Variants in AKT3 observed in about 807,000 individuals in gnomAD.
The protein encoded by AKT3 is RAC-gamma serine/threonine-protein kinase.
In AKT3, 15 loss-of-function variants were observed where a neutral mutation model predicts 65.3. That is an observed-to-expected ratio of 0.23 (90% confidence interval 0.15 to 0.35). AKT3 has a LOEUF of 0.35. AKT3 is among the 10% of genes least tolerant of loss of function. The probability of loss-of-function intolerance (pLI) is 1.00; values close to 1 mark genes in which losing one functional copy is unlikely to be tolerated. For missense variants in AKT3, 243 were observed against 576.5 expected (o/e 0.42, Z 5.92); for synonymous variants, 206 against 183.8 (o/e 1.12, Z -0.98).
At chr1:243,779,161 C>A (rs6682456) in intron 2 of AKT3, among the ~76,000 whole-genome samples, 119,148 of 152,056 alleles carry the variant, frequency 0.78, 47,549 homozygotes, top group Non-Finnish European at 0.86. Context: ...ACTGTTGATA[C>A]TATTCAAATC....
chr1:243,494,539 CAG>C (rs1667329497), intron 13 of AKT3, among the ~76,000 whole-genome samples: 1 of 152,202 alleles, frequency 6.6e-6, no homozygotes, highest in Admixed American at 6.5e-5. Flanking sequence ...CCTCCAACAG[CAG>C]ACAGTTAAAC....
intron 13 of AKT3, among the ~76,000 whole-genome samples, chr1:243,493,773 G>A (rs994044013): frequency 5.3e-5 from 8 of 151,758 alleles, no homozygotes; most frequent in Non-Finnish European, 1.5e-5. Context: ...CAAGATCATC[G>A]ACATTATCTC....
At chr1:243,628,797 T>C (rs1679377250) in intron 6 of AKT3, among the ~76,000 whole-genome samples, 1 of 152,242 alleles carries the variant, frequency 6.6e-6, no homozygotes, top group Non-Finnish European at 1.5e-5. Context: ...ACACTATAAC[T>C]GACTGATGTG....
In AKT3 at chr1:243,615,146, T is replaced by C; in HGVS notation, c.577A>G (p.Thr193Ala). Residue 193 changes from threonine to alanine, a missense_variant, in exon 7 of 14, where the codon ACT (threonine) becomes GCT (alanine). Thr to Ala is a moderately conservative substitution (Grantham distance 58). Transcript: ENST00000673466. ...TTTAATACTCTGCTTTCAGTTAGAG[T>C]GTGTGCCACTTCATCCTACAAAAGA... Reference protein sequence around the residue: ...VIIAKDEVAHTLTESRVLKNT... With the variant: ...VIIAKDEVAHALTESRVLKNT... The C allele has an allele frequency of 6.2e-7, 1 of 1,608,204 alleles. No individual in the cohort carries two copies. The highest frequency in any genetic ancestry group is 8.5e-7 in the Non-Finnish European group (1 of 1,176,688).
intron 2 of AKT3, among the ~76,000 whole-genome samples, chr1:243,768,530 C>A (rs1001517986): frequency 3.3e-5 from 5 of 152,028 alleles, no homozygotes; most frequent in African/African-American, 1.2e-4. Flanking sequence ...AGTTAGGTGC[C>A]ACAACTTTTA....
chr1:243,493,662 A>G (rs931959834), intron 13 of AKT3, among the ~76,000 whole-genome samples: 3 of 152,038 alleles, frequency 2.0e-5, no homozygotes, highest in Non-Finnish European at 4.4e-5. Context: ...TCAGTGGTTA[A>G]TCAGTTGGCC....
At chr1:243,513,455 T>C (rs1377109824) in intron 12 of AKT3, among the ~76,000 whole-genome samples, 4 of 152,136 alleles carry the variant, frequency 2.6e-5, no homozygotes, top group African/African-American at 4.8e-5. Flanking sequence ...CAAAAACAAA[T>C]ACACAATTGG....
intron 2 of AKT3, among the ~76,000 whole-genome samples, chr1:243,764,418 T>A (rs1689684711): frequency 6.6e-6 from 1 of 152,082 alleles, no homozygotes; most frequent in South Asian, 2.1e-4. Flanking sequence ...TCAATAGTAA[T>A]CTCAGTGAAA....
intron 1 of AKT3, among the ~76,000 whole-genome samples, chr1:243,845,142 C>T (rs1426294314): frequency 6.6e-6 from 1 of 152,048 alleles, no homozygotes; most frequent in Non-Finnish European, 1.5e-5. Flanking sequence ...AAGTGTGGAG[C>T]TTAACCATTT....
At chr1:243,695,797 T>C in intron 2 of AKT3, 81 bp from the exon 3 acceptor site, 1 of 1,332,846 alleles carries the variant, frequency 7.5e-7, no homozygotes, top group Non-Finnish European at 9.8e-7. Context: ...TGGTACAATA[T>C]ATGTCCTACA....
chr1:243,609,559 G>C (rs1458988478), intron 8 of AKT3, among the ~76,000 whole-genome samples: 1 of 152,190 alleles, frequency 6.6e-6, no homozygotes, highest in East Asian at 1.9e-4. Context: ...TCGGGAGACT[G>C]AGGCATGAGG....
chr1:243,592,442 A>T (rs538325282), intron 8 of AKT3, among the ~76,000 whole-genome samples: 36 of 152,368 alleles, frequency 2.4e-4, no homozygotes, highest in Admixed American at 1.4e-3. Context: ...GAAAGGAAGT[A>T]ATAAACAGAA....
chr1:243,805,166 C>G (rs1692646517), intron 2 of AKT3, among the ~76,000 whole-genome samples: 1 of 152,104 alleles, frequency 6.6e-6, no homozygotes, highest in African/African-American at 2.4e-5. Context: ...ACATCACAAC[C>G]ATCACAGAGA....
At chr1:243,680,866 T>C (rs752386854) in intron 3 of AKT3, among the ~76,000 whole-genome samples, 1 of 152,174 alleles carries the variant, frequency 6.6e-6, no homozygotes, top group Non-Finnish European at 1.5e-5. Context: ...AATGGAATTA[T>C]CCAAAAGTTC....
At chr1:243,537,647 T>C (rs554484830) in intron 12 of AKT3, among the ~76,000 whole-genome samples, 1 of 152,288 alleles carries the variant, frequency 6.6e-6, no homozygotes, top group South Asian at 2.1e-4. Context: ...CCAACAAAAC[T>C]TGAAAAAATC....
intron 2 of AKT3, among the ~76,000 whole-genome samples, chr1:243,733,767 A>G (rs2148152476): frequency 6.6e-6 from 1 of 152,340 alleles, no homozygotes; most frequent in Non-Finnish European, 1.5e-5. Flanking sequence ...TCTTTTAAAA[A>G]GTACGTATCT....
At chr1:243,731,585 T>G (rs1301542220) in intron 2 of AKT3, among the ~76,000 whole-genome samples, 1 of 152,212 alleles carries the variant, frequency 6.6e-6, no homozygotes, top group South Asian at 2.1e-4. Context: ...TTTTAAACCC[T>G]CTTTATCCAA....
In AKT3 at chr1:243,808,554, T is replaced by C. The variant is rs565303752; in HGVS notation, c.46+34571A>G. Among the ~76,000 whole-genome samples the C allele has an allele frequency of 7.0e-4, 107 of 152,288 alleles. 2 individuals carry two copies. Among genetic ancestry groups the C allele is most frequent in the Admixed American group, 6.6e-3 (101 of 15,294 alleles). Reference sequence around the variant, plus strand: ...GTGAAAAGACCAAATCTACGTCTGATTGGTGCACCTGAAAGTGACAGGGAG... The same window carrying C: ...GTGAAAAGACCAAATCTACGTCTGACTGGTGCACCTGAAAGTGACAGGGAG... On this transcript the variant is annotated intron_variant, in intron 2 of 13. Coordinates refer to ENST00000673466, the MANE Select transcript of AKT3 (RefSeq NM_005465.7).
intron 10 of AKT3, among the ~76,000 whole-genome samples, chr1:243,561,988 T>C (rs1196977564): frequency 2.6e-5 from 4 of 152,128 alleles, no homozygotes; most frequent in Non-Finnish European, 4.4e-5. Context: ...GTTGTGTGAC[T>C]TCTGAAAATA....
Sources: allele counts gnomAD v4.1 joint callset (sites outside exome capture counted in the v4.1 genomes callset), GRCh38; gene constraint gnomAD v4.1.1; transcripts MANE v1.5; gene names NCBI Gene and HGNC (gene_info 2026-07-23, HGNC 2026-07-21).